The following PLEKHF2 variants were observed in gnomAD, a reference collection of about 807,000 sequenced individuals.
The protein encoded by PLEKHF2 is pleckstrin homology domain-containing family F member 2.
Under a neutral mutation model 14.7 loss-of-function variants are expected in PLEKHF2, and 4 were observed. The observed-to-expected ratio is 0.27, with a 90% CI of 0.13 to 0.62. The LOEUF (loss-of-function observed/expected upper bound fraction) is 0.62, where lower values mean the gene tolerates loss of function less well. PLEKHF2 is among the 20% of genes least tolerant of loss of function. The probability of loss-of-function intolerance (pLI) is 0.85; values close to 1 mark genes in which losing one functional copy is unlikely to be tolerated. For missense variants in PLEKHF2, 201 were observed against 307.7 expected, an observed-to-expected ratio of 0.65 and a Z score of 2.60; for synonymous variants, 90 against 103.5, an observed-to-expected ratio of 0.87 and a Z score of 0.79.
rs937591470 is a variant in PLEKHF2, at chr8:95,133,797, A to C, written c.-248A>C. Reference sequence around the variant, plus strand: ...GCGCGCGCAGGGGAGAGGCCAGCCCAGGCAGCCGTTGTCGGGTTCGACTGG... The same window carrying C: ...GCGCGCGCAGGGGAGAGGCCAGCCCCGGCAGCCGTTGTCGGGTTCGACTGG... On this transcript the variant is annotated 5_prime_UTR_variant, in exon 1 of 2. Transcript: ENST00000315367. The C allele has an allele frequency of 1.3e-5, 2 of 152,138 alleles. No individual in the cohort carries two copies. Among genetic ancestry groups the C allele is most frequent in the Non-Finnish European group, 2.9e-5 (2 of 68,078 alleles). The allele number at this position is 152,138 out of a possible 1,614,324, so 9.4% of individuals were successfully genotyped here.
At chr8:95,144,855 ACT>A (rs1220790668) in intron 1 of PLEKHF2, among the ~76,000 whole-genome samples, 18 of 145,630 alleles carry the variant, frequency 1.2e-4, no homozygotes, top group Middle Eastern at 3.5e-3. Flanking sequence ...CAAGAGCAAA[ACT>A]CTGTCTCAAG....
intron 1 of PLEKHF2, among the ~76,000 whole-genome samples, chr8:95,144,595 G>A (rs1810475068): frequency 6.6e-6 from 1 of 152,092 alleles, no homozygotes; most frequent in African/African-American, 2.4e-5. Flanking sequence ...GGGTGGGCAC[G>A]GTGGCTCACG....
At chr8:95,147,869 GA>G (rs1196860765) in intron 1 of PLEKHF2, among the ~76,000 whole-genome samples, 2 of 151,646 alleles carry the variant, frequency 1.3e-5, no homozygotes, top group Non-Finnish European at 3.0e-5. Flanking sequence ...TAATAGCAAA[GA>G]AAAAAGGCAA....
At chr8:95,151,154 C>CT (rs1487902573) in intron 1 of PLEKHF2, among the ~76,000 whole-genome samples, 1 of 151,826 alleles carries the variant, frequency 6.6e-6, no homozygotes, top group Non-Finnish European at 1.5e-5. Flanking sequence ...CTTTGGGGGA[C>CT]AATAAAAACT....
At chr8:95,140,135 T>A (rs1810425406) in intron 1 of PLEKHF2, among the ~76,000 whole-genome samples, 1 of 152,196 alleles carries the variant, frequency 6.6e-6, no homozygotes, top group Non-Finnish European at 1.5e-5. Flanking sequence ...CCTGGAGGAC[T>A]TCAAGATAAA....
At chr8:95,138,281 C>T (rs1353360065) in intron 1 of PLEKHF2, among the ~76,000 whole-genome samples, 1 of 151,212 alleles carries the variant, frequency 6.6e-6, no homozygotes, top group African/African-American at 2.4e-5. Flanking sequence ...GATGACCTTA[C>T]TTCCTTCTAA....
intron 1 of PLEKHF2, among the ~76,000 whole-genome samples, chr8:95,144,841 G>A (rs1810477906): frequency 7.0e-6 from 1 of 143,194 alleles, no homozygotes; most frequent in African/African-American, 2.6e-5. Context: ...TTCAGCCTAG[G>A]TGACAAGAGC....
chr8:95,144,815 G>T (rs1810477707), intron 1 of PLEKHF2, among the ~76,000 whole-genome samples: 1 of 139,242 alleles, frequency 7.2e-6, no homozygotes, highest in East Asian at 2.3e-4. Context: ...AGTGAGCCGA[G>T]ATATTGCCAT....
rs937591470 is a variant in PLEKHF2, at chr8:95,133,797, A to T, written c.-248A>T. 6.6e-6 allele frequency: 1 copy of T among 152,138 alleles called. No individual in the cohort carries two copies. The highest frequency in any genetic ancestry group is 1.5e-5 in the Non-Finnish European group (1 of 68,078). The allele number at this position is 152,138 out of a possible 1,614,324, so 9.4% of individuals were successfully genotyped here. On this transcript the variant is annotated 5_prime_UTR_variant, in exon 1 of 2. Transcript: ENST00000315367. ...GCGCGCGCAGGGGAGAGGCCAGCCC[A>T]GGCAGCCGTTGTCGGGTTCGACTGG...
chr8:95,137,849 G>A (rs890680108), intron 1 of PLEKHF2, among the ~76,000 whole-genome samples: 1 of 152,166 alleles, frequency 6.6e-6, no homozygotes, highest in Non-Finnish European at 1.5e-5. Flanking sequence ...TCTACCTCAG[G>A]TCTTAAACCC....
chr8:95,142,207 A>C (rs547555231), intron 1 of PLEKHF2, among the ~76,000 whole-genome samples: 4 of 152,118 alleles, frequency 2.6e-5, no homozygotes, highest in African/African-American at 4.8e-5. Context: ...ATTCCTCAGT[A>C]GTGTTTTAGT....
intron 1 of PLEKHF2, among the ~76,000 whole-genome samples, chr8:95,146,824 T>G (rs201326227): frequency 6.7e-6 from 1 of 149,416 alleles, no homozygotes; most frequent in Admixed American, 6.6e-5. Context: ...AAAAAAAAAG[T>G]CAAATGGAAA....
chr8:95,151,870 A>G (rs769558160), intron 1 of PLEKHF2, among the ~76,000 whole-genome samples: 11 of 152,092 alleles, frequency 7.2e-5, no homozygotes, highest in Admixed American at 3.9e-4. Context: ...ATAGTATAGT[A>G]TATATTTTTT....
chr8:95,154,848 G>T lies in PLEKHF2; in HGVS notation c.*54G>T. On this transcript the variant is annotated 3_prime_UTR_variant, in exon 2 of 2. Coordinates refer to ENST00000315367, the MANE Select transcript of PLEKHF2 (RefSeq NM_024613.4). The surrounding 1 kb of genome is among the most constrained non-coding windows in gnomAD (Gnocchi z 5.6). The stretch of plus-strand genomic sequence containing the variant: ...GTGGCTATCTGAGAAATCAACTTTG[G>T]GGGAAATGTAAGATTCTGAGCTCTC... 6.3e-7 allele frequency: 1 copy of T among 1,576,874 alleles called. No homozygotes were observed. The highest frequency in any genetic ancestry group is 1.2e-5 in the South Asian group (1 of 86,912).
rs547810994 is a variant in PLEKHF2, at chr8:95,156,626, C to T, written c.*1832C>T. 1.7e-4 allele frequency: 28 copies of T among 167,152 alleles called. No individual in the cohort carries two copies. Among genetic ancestry groups the T allele is most frequent in the African/African-American group, 6.7e-4 (28 of 41,556 alleles). The allele number at this position is 167,152 out of a possible 1,614,324, so 10.4% of individuals were successfully genotyped here. A position where few individuals can be genotyped will look rare whatever the true frequency, so the allele number is the denominator to read the frequency against. ...ACCAAGGGGAAATGTTGTGAGATAA[C>T]ATTTACATTGTCAACCTTTATTGAC... On this transcript the variant is annotated 3_prime_UTR_variant, in exon 2 of 2. Transcript: ENST00000315367.
At chr8:95,142,341 G>GC (rs1337823112) in intron 1 of PLEKHF2, among the ~76,000 whole-genome samples, 3 of 152,126 alleles carry the variant, frequency 2.0e-5, no homozygotes, top group East Asian at 3.9e-4. Context: ...TGCAGCGTTG[G>GC]CCCCCCAGGC....
At chr8:95,136,132 C>T (rs1039451249) in intron 1 of PLEKHF2, among the ~76,000 whole-genome samples, 4 of 152,216 alleles carry the variant, frequency 2.6e-5, no homozygotes, top group African/African-American at 9.7e-5. Context: ...TCTTCATTCC[C>T]TGCATGCCAA....
chr8:95,152,448 A>T (rs1451358514), intron 1 of PLEKHF2, among the ~76,000 whole-genome samples: 1 of 152,094 alleles, frequency 6.6e-6, no homozygotes, highest in Non-Finnish European at 1.5e-5. Context: ...AAATTTAAAA[A>T]TTTTTATTAA....
In PLEKHF2 at chr8:95,154,242, T is replaced by C. The variant is rs1336379392; in HGVS notation, c.198T>C (p.Asn66=). 1.9e-6 allele frequency: 3 copies of C among 1,613,764 alleles called. No homozygotes were observed. The highest frequency in any genetic ancestry group is 2.5e-6 in the Non-Finnish European group (3 of 1,179,872). Residue 66 remains asparagine (N), a synonymous_variant, in exon 2 of 2, where the codon AAT becomes AAC. Coordinates refer to ENST00000315367, the MANE Select transcript of PLEKHF2 (RefSeq NM_024613.4). The surrounding 1 kb of genome is among the most constrained non-coding windows in gnomAD (Gnocchi z 5.6). ...TTAATGATATTCTTGTATATGGCAA[T>C]ATTGTCATCCAGAAGAAAAAATATA... ...FLFNDILVYG[N]IVIQKKKYNK...
Sources: allele counts gnomAD v4.1 joint callset (sites outside exome capture counted in the v4.1 genomes callset), GRCh38; gene constraint gnomAD v4.1.1; non-coding constraint Gnocchi (gnomAD v3.1); transcripts MANE v1.5; gene names NCBI Gene and HGNC (gene_info 2026-07-23, HGNC 2026-07-21).